CCDC181: variants seen among roughly 807,000 people sequenced by gnomAD.
CCDC181 encodes coiled-coil domain containing 181.
In CCDC181, 35 loss-of-function variants were observed where a neutral mutation model predicts 58.7. The observed-to-expected ratio is 0.60, with a 90% CI of 0.46 to 0.79. The LOEUF is 0.79. Among genes scored for constraint, CCDC181 ranks in the 30% least tolerant of loss-of-function variants. CCDC181 has a pLI of 0.00. For synonymous variants in CCDC181, 183 were observed against 197.5 expected, an observed-to-expected ratio of 0.93 and a Z score of 0.62; for missense variants, 517 against 583.9, an observed-to-expected ratio of 0.89 and a Z score of 1.18.
chr1:169,426,985 C>A (rs1211483674), intron 1 of CCDC181, among the ~76,000 whole-genome samples: 1 of 152,148 alleles, frequency 6.6e-6, no homozygotes, highest in Non-Finnish European at 1.5e-5. Context: ...CTCCCAGGGA[C>A]AAAATTATTA....
intron 2 of CCDC181, among the ~76,000 whole-genome samples, chr1:169,446,157 C>T (rs1419537477): frequency 1.3e-5 from 2 of 151,928 alleles, no homozygotes; most frequent in East Asian, 1.9e-4. Context: ...TTAAACTGAC[C>T]TTCTTAGGCC....
intron 2 of CCDC181, among the ~76,000 whole-genome samples, chr1:169,447,425 T>G (rs1657407668): frequency 2.0e-5 from 3 of 152,162 alleles, no homozygotes; most frequent in Admixed American, 2.0e-4. Flanking sequence ...GCCTGTAAAG[T>G]TGTATTTTGT....
Position 169,452,575 on chromosome 1 carries a change from A to G in CCDC181, c.-24+7222T>C, listed in dbSNP as rs577061961. On this transcript the variant is annotated intron_variant, in intron 2 of 6. Coordinates refer to the CCDC181 transcript ENST00000545005. Reference sequence around the variant, plus strand: ...CTTCTCACCTGTGCAGGCCACTTCTATGGCCCTGGGAGGGGTCCTAACAAT... The same window carrying G: ...CTTCTCACCTGTGCAGGCCACTTCTGTGGCCCTGGGAGGGGTCCTAACAAT... The G allele has an allele frequency of 5.3e-5, 8 of 152,242 alleles. No individual in the cohort carries two copies. In the South Asian group the frequency reaches 1.4e-3, roughly 28 times the overall value. 9.4% of individuals were successfully genotyped at this position (152,242 alleles called of 1,614,324 possible).
intron 2 of CCDC181, among the ~76,000 whole-genome samples, chr1:169,438,801 G>A (rs1427444903): frequency 1.3e-5 from 2 of 152,158 alleles, no homozygotes; most frequent in Non-Finnish European, 2.9e-5. Context: ...ATAAATAAGG[G>A]GGGGTTCTGA....
intron 2 of CCDC181, among the ~76,000 whole-genome samples, chr1:169,459,266 T>G (rs1282187749): frequency 1.3e-5 from 2 of 152,220 alleles, no homozygotes; most frequent in African/African-American, 4.8e-5. Context: ...AAAATTAAGG[T>G]GTCCCCTTCT....
intron 2 of CCDC181, among the ~76,000 whole-genome samples, chr1:169,438,600 G>A (rs934396569): frequency 6.6e-6 from 1 of 152,184 alleles, no homozygotes; most frequent in African/African-American, 2.4e-5. Context: ...ACCTTGTTCA[G>A]CACCCAATAT....
chr1:169,413,672 T>G (rs1656079376), intron 4 of CCDC181, among the ~76,000 whole-genome samples: 1 of 152,114 alleles, frequency 6.6e-6, no homozygotes, highest in Admixed American at 6.5e-5. Flanking sequence ...TTATATACCA[T>G]GGAATAGTAT....
rs181237284 is a variant in CCDC181 at position 169,416,038 on chromosome 1, T to C, written c.1215+2975A>G. On this transcript the variant is annotated intron_variant, in intron 4 of 5. Transcript: ENST00000367806. Reference sequence around the variant, plus strand: ...ATTGGTCACCCCTCCCACGAGGAGTTTTCAGTAGGCTTAAGTAGATTCCAG... The same window carrying C: ...ATTGGTCACCCCTCCCACGAGGAGTCTTCAGTAGGCTTAAGTAGATTCCAG... Among the ~76,000 whole-genome samples, 20 of 152,326 alleles carry C rather than the reference T, an allele frequency of 1.3e-4. No individual in the cohort carries two copies. The East Asian group carries it at 3.9e-3, about 29-fold the overall frequency.
intron 4 of CCDC181, among the ~76,000 whole-genome samples, chr1:169,404,347 G>C (rs984775190): frequency 4.3e-4 from 66 of 152,180 alleles, no homozygotes; most frequent in African/African-American, 1.5e-3. Context: ...GCCTGGCAGA[G>C]ACACAACAAA....
intron 4 of CCDC181, among the ~76,000 whole-genome samples, chr1:169,405,179 C>T (rs1655580015): frequency 6.6e-6 from 1 of 152,190 alleles, no homozygotes; most frequent in African/African-American, 2.4e-5. Flanking sequence ...AATGGAAGAA[C>T]ATTCCATGTT....
At chr1:169,453,503 A>T (rs1374784342) in intron 2 of CCDC181, among the ~76,000 whole-genome samples, 1 of 152,072 alleles carries the variant, frequency 6.6e-6, no homozygotes, top group Non-Finnish European at 1.5e-5. Flanking sequence ...AATGTGAATG[A>T]CACAGAATCT....
chr1:169,453,677 G>A (rs1044528595), intron 2 of CCDC181, among the ~76,000 whole-genome samples: 1 of 148,862 alleles, frequency 6.7e-6, no homozygotes, highest in Non-Finnish European at 1.5e-5. Context: ...CTTCCTCAAC[G>A]ATTCTCCACA....
chr1:169,402,238 T>A (rs1281137909), intron 4 of CCDC181, among the ~76,000 whole-genome samples: 1 of 152,204 alleles, frequency 6.6e-6, no homozygotes, highest in African/African-American at 2.4e-5. Context: ...CTCTTCTGGA[T>A]ATGATCCAGG....
At chr1:169,446,913 AT>A (rs1303001607) in intron 2 of CCDC181, among the ~76,000 whole-genome samples, 1 of 152,140 alleles carries the variant, frequency 6.6e-6, no homozygotes, top group Non-Finnish European at 1.5e-5. Flanking sequence ...CATCCCACGA[AT>A]TTTGATAAGT....
At chr1:169,410,440 G>T (rs1329923416) in intron 4 of CCDC181, among the ~76,000 whole-genome samples, 3 of 152,038 alleles carry the variant, frequency 2.0e-5, no homozygotes, top group African/African-American at 4.8e-5. Flanking sequence ...CACAATAATA[G>T]TGGGAGACTT....
chr1:169,431,792 A>G (rs1656926940), upstream of CCDC181, among the ~76,000 whole-genome samples: 1 of 152,180 alleles, frequency 6.6e-6, no homozygotes, highest in Admixed American at 6.5e-5. Flanking sequence ...ATGAGGGTCT[A>G]TGTTCTGATA....
chr1:169,412,662 GT>G (rs1444628992), intron 4 of CCDC181, among the ~76,000 whole-genome samples: 1 of 152,108 alleles, frequency 6.6e-6, no homozygotes, highest in Admixed American at 6.5e-5. Context: ...CATGGTACTG[GT>G]ACCAAAACAG....
chr1:169,421,520 G>A lies in CCDC181; in HGVS notation c.911C>T (p.Ser304Phe). 1 of 1,614,118 alleles carries A rather than the reference G, an allele frequency of 6.2e-7. No homozygotes were observed. The highest frequency in any genetic ancestry group is 8.5e-7 in the Non-Finnish European group (1 of 1,180,008). ...TTTACTTCGATCTGAGTTGACAGCAGAGCTTGGACAAGTCTTGCGGTTGAG... is the reference window on the plus strand; with the variant it reads ...TTTACTTCGATCTGAGTTGACAGCAAAGCTTGGACAAGTCTTGCGGTTGAG... ...PPLNRKTCPSSAVNSDRSKGN... is the reference protein window; with the variant it reads ...PPLNRKTCPSFAVNSDRSKGN... The change falls in exon 3 of 6, where the codon TCT (serine) becomes TTT (phenylalanine). Residue 304 changes from serine (S) to phenylalanine (F), a missense_variant. Physicochemically the swap from Ser to Phe is radical, Grantham distance 155. Transcript: ENST00000367806.
At chr1:169,438,830 C>G (rs947017314) in intron 2 of CCDC181, among the ~76,000 whole-genome samples, 1 of 152,126 alleles carries the variant, frequency 6.6e-6, no homozygotes, top group Non-Finnish European at 1.5e-5. Flanking sequence ...TGCTGGACTT[C>G]CATAAGCAAT....
Sources: allele counts gnomAD v4.1 joint callset (sites outside exome capture counted in the v4.1 genomes callset), GRCh38; gene constraint gnomAD v4.1.1; transcripts MANE v1.5; gene names NCBI Gene and HGNC (gene_info 2026-07-23, HGNC 2026-07-21).